BBS9: variants seen among roughly 807,000 people sequenced by gnomAD.
BBS9 encodes Bardet-Biedl syndrome 9, also known as protein PTHB1.
A neutral mutation model predicts 117.7 loss-of-function variants in BBS9; 89 were observed. The ratio of observed to expected loss-of-function variants is 0.76; its 90% CI spans 0.64 to 0.90. The LOEUF (loss-of-function observed/expected upper bound fraction) is 0.90, where lower values mean the gene tolerates loss of function less well. Ranked by LOEUF, BBS9 falls within the 40% of genes least tolerant of loss-of-function variation. The pLI is 0.00. For missense variants in BBS9, 982 were observed against 1,042.2 expected (o/e 0.94, Z 0.80); for synonymous variants, 379 against 370.9 (o/e 1.02, Z -0.25).
chr7:33,615,163 G>A (rs1305859578), intron 21 of BBS9, among the ~76,000 whole-genome samples: 5 of 152,062 alleles, frequency 3.3e-5, no homozygotes, highest in Admixed American at 1.3e-4. Flanking sequence ...GTTTACCACA[G>A]TTCTTTTTAC....
intron 21 of BBS9, among the ~76,000 whole-genome samples, chr7:33,628,380 C>T (rs1023637036): frequency 6.6e-6 from 1 of 152,140 alleles, no homozygotes; most frequent in African/African-American, 2.4e-5. Context: ...CTCCAAATTG[C>T]AATGTTGGTT....
chr7:33,454,160 T>C (rs1387153679), intron 19 of BBS9, among the ~76,000 whole-genome samples: 2 of 152,230 alleles, frequency 1.3e-5, no homozygotes, highest in African/African-American at 4.8e-5. Flanking sequence ...ATATCATACA[T>C]GGGCTTTGAG....
At chr7:33,622,925 G>A (rs1241522060) in intron 21 of BBS9, among the ~76,000 whole-genome samples, 1 of 152,094 alleles carries the variant, frequency 6.6e-6, no homozygotes, top group Non-Finnish European at 1.5e-5. Context: ...AATTTTGGTT[G>A]GATTAAATAC....
At chr7:33,360,541 G>A (rs1341222943) in intron 16 of BBS9, among the ~76,000 whole-genome samples, 2 of 127,906 alleles carry the variant, frequency 1.6e-5, no homozygotes, top group Admixed American at 8.3e-5. Context: ...TTTTTTTTGA[G>A]ACAGGGTCTC....
chr7:33,134,112 G>T (rs1790060887), intron 1 of BBS9, among the ~76,000 whole-genome samples: 1 of 151,720 alleles, frequency 6.6e-6, no homozygotes, highest in Admixed American at 6.6e-5. Flanking sequence ...GTGCAATGGT[G>T]TGGTTTTGGC....
chr7:33,585,534 C>A (rs762089006), intron 21 of BBS9, among the ~76,000 whole-genome samples: 7 of 151,996 alleles, frequency 4.6e-5, no homozygotes, highest in Non-Finnish European at 1.0e-4. Flanking sequence ...GTCACTTAAG[C>A]TTTTTACAGC....
intron 21 of BBS9, among the ~76,000 whole-genome samples, chr7:33,558,260 C>G (rs181740713): frequency 7.2e-4 from 110 of 152,214 alleles, no homozygotes; most frequent in Admixed American, 3.0e-3. Context: ...TCATTACTAA[C>G]TGTTGTAATT....
rs190005036 is a variant in BBS9 at position 33,297,767 on chromosome 7, C to T, written c.1016+23811C>T. ...TTCTGAGATAGGTTGGTCAATAATACATTCAGAATCATGAAAGGATGCTTC... is the reference window on the plus strand; with the variant it reads ...TTCTGAGATAGGTTGGTCAATAATATATTCAGAATCATGAAAGGATGCTTC... On this transcript the variant is annotated intron_variant, in intron 9 of 22. Transcript: ENST00000242067. Among the ~76,000 whole-genome samples the T allele has an allele frequency of 7.2e-5, 11 of 152,240 alleles. No individual in the cohort carries two copies. The East Asian group carries it at 2.1e-3, about 29-fold the overall frequency.
At chr7:33,515,159 T>C (rs1483442017) in intron 20 of BBS9, among the ~76,000 whole-genome samples, 1 of 152,222 alleles carries the variant, frequency 6.6e-6, no homozygotes, top group Non-Finnish European at 1.5e-5. Flanking sequence ...TATGATGTAA[T>C]AGTTTTATCC....
At chr7:33,173,252 T>C (rs1299481568) in intron 4 of BBS9, among the ~76,000 whole-genome samples, 1 of 152,170 alleles carries the variant, frequency 6.6e-6, no homozygotes, top group Non-Finnish European at 1.5e-5. Context: ...TTAAGCTTTT[T>C]ATTTGCCTTT....
chr7:33,526,588 T>A (rs1470034399), intron 20 of BBS9, among the ~76,000 whole-genome samples: 1 of 150,386 alleles, frequency 6.6e-6, no homozygotes, highest in African/African-American at 2.5e-5. Flanking sequence ...AGCCTTGGTT[T>A]TCAGCTCCAT....
chr7:33,404,549 A>G (rs946672245), intron 19 of BBS9, among the ~76,000 whole-genome samples: 8 of 152,036 alleles, frequency 5.3e-5, no homozygotes, highest in African/African-American at 1.9e-4. Context: ...CTCCTTGAAG[A>G]GGTCCTTCAC....
intron 20 of BBS9, among the ~76,000 whole-genome samples, chr7:33,523,303 A>G (rs1312023546): frequency 7.1e-6 from 1 of 140,650 alleles, no homozygotes; most frequent in Non-Finnish European, 1.5e-5. Flanking sequence ...TGGTAGCTTG[A>G]TGGGGATGGC....
At chr7:33,570,293 A>T (rs1207422194) in intron 21 of BBS9, among the ~76,000 whole-genome samples, 1 of 152,216 alleles carries the variant, frequency 6.6e-6, no homozygotes, top group East Asian at 1.9e-4. Flanking sequence ...CGCTCAAAAG[A>T]CATAGAAGCC....
In BBS9 at chr7:33,367,837, T is replaced by C. The variant is rs1822086253; in HGVS notation, c.1764T>C (p.Ile588=). Residue 588 remains isoleucine (I), a synonymous_variant, in exon 17 of 23, where the codon ATT becomes ATC. Transcript: ENST00000242067. ...TTCACTTCTTAGGAGGTGCTCGAAT[T>C]ACTGTTCTTGCTTCCAAAACTTCTC... The part of the protein sequence containing the change: ...MGFHFLGGAR[I]TVLASKTSQR... 1 of 1,613,876 alleles carries C rather than the reference T, an allele frequency of 6.2e-7. No individual in the cohort carries two copies. Among genetic ancestry groups the C allele is most frequent in the East Asian group, 2.2e-5 (1 of 44,804 alleles).
downstream of BBS9, among the ~76,000 whole-genome samples, chr7:33,606,726 C>T (rs1255648636): frequency 1.3e-5 from 2 of 152,070 alleles, no homozygotes; most frequent in Non-Finnish European, 2.9e-5. Flanking sequence ...CTTCAAGGCT[C>T]ATTTTGAATC....
intron 5 of BBS9, among the ~76,000 whole-genome samples, chr7:33,247,505 T>C (rs963672053): frequency 6.6e-6 from 1 of 152,162 alleles, no homozygotes; most frequent in African/African-American, 2.4e-5. Flanking sequence ...CATGTCTCGA[T>C]GCATGGTGTT....
chr7:33,273,604 G>A (rs999332976), intron 8 of BBS9, among the ~76,000 whole-genome samples: 1 of 152,150 alleles, frequency 6.6e-6, no homozygotes, highest in Admixed American at 6.5e-5. Context: ...TAGATGAAAT[G>A]CAAAAATGTT....
At chr7:33,500,672 A>C (rs900246020) in intron 19 of BBS9, among the ~76,000 whole-genome samples, 1 of 152,238 alleles carries the variant, frequency 6.6e-6, no homozygotes, top group African/African-American at 2.4e-5. Flanking sequence ...CACATGAAAT[A>C]TGGAGGCAGA....
Sources: gnomAD v4.1 joint callset for allele counts (sites outside exome capture counted in the v4.1 genomes callset) on GRCh38, gnomAD v4.1.1 for gene constraint, MANE v1.5 for transcripts, NCBI Gene and HGNC (gene_info 2026-07-23, HGNC 2026-07-21) for gene names.